Variants in TMEM260 observed in about 807,000 individuals in gnomAD.
The protein encoded by TMEM260 is transmembrane protein 260, also known as protein O-mannosyl-transferase TMEM260.
TMEM260 carries 82 observed loss-of-function variants against 88.9 expected under a neutral mutation model. The ratio of observed to expected loss-of-function variants is 0.92; its 90% CI spans 0.77 to 1.11. TMEM260 has a LOEUF of 1.11. Ranked by LOEUF, TMEM260 falls within the 50% of genes least tolerant of loss-of-function variation. The probability of loss-of-function intolerance (pLI) is 0.00; values close to 1 mark genes in which losing one functional copy is unlikely to be tolerated. For synonymous variants in TMEM260, 314 were observed against 309.3 expected (o/e 1.02, Z -0.16); for missense variants, 902 against 853.4 (o/e 1.06, Z -0.71).
At chr14:56,645,829 A>G (rs1889930182) in intron 15 of TMEM260, among the ~76,000 whole-genome samples, 1 of 152,202 alleles carries the variant, frequency 6.6e-6, no homozygotes, top group Non-Finnish European at 1.5e-5. Flanking sequence ...ACCACTGGAG[A>G]AAAAAGGATG....
chr14:56,611,623 A>G (rs1366951577), intron 6 of TMEM260, among the ~76,000 whole-genome samples: 1 of 152,232 alleles, frequency 6.6e-6, no homozygotes, highest in Non-Finnish European at 1.5e-5. Flanking sequence ...TGTGGAAAGC[A>G]ATGTGGCGAT....
chr14:56,661,876 T>C, the TMEM260 span, among the ~76,000 whole-genome samples: 1 of 152,208 alleles, frequency 6.6e-6, no homozygotes, highest in Non-Finnish European at 1.5e-5. Flanking sequence ...TGGGAGTCCT[T>C]ACTCCTGTGA....
chr14:56,580,147 C>T (rs979296936), intron 1 of TMEM260, 73 bp downstream of exon 1: 10 of 1,207,146 alleles, frequency 8.3e-6, no homozygotes, highest in Admixed American at 4.2e-5. Context: ...TGCGTCTGGC[C>T]CCTGCTCTTG....
intron 15 of TMEM260, chr14:56,638,373 T>C (rs1346408423): frequency 6.6e-6 from 1 of 152,118 alleles, no homozygotes; most frequent in East Asian, 1.9e-4. Context: ...TTTCACATAA[T>C]AATCCTGTTT....
At chr14:56,639,631 G>T (rs1338956542) in intron 15 of TMEM260, among the ~76,000 whole-genome samples, 1 of 152,134 alleles carries the variant, frequency 6.6e-6, no homozygotes, top group African/African-American at 2.4e-5. Context: ...ATCTCACTGG[G>T]GAGTGCCGGA....
chr14:56,660,662 C>T, the TMEM260 span, among the ~76,000 whole-genome samples: 2 of 152,164 alleles, frequency 1.3e-5, no homozygotes, highest in Non-Finnish European at 2.9e-5. Flanking sequence ...GATGCTAATT[C>T]TCATAGCAAA....
intron 15 of TMEM260, among the ~76,000 whole-genome samples, chr14:56,637,943 A>C (rs965282615): frequency 1.3e-5 from 2 of 152,136 alleles, no homozygotes; most frequent in Non-Finnish European, 2.9e-5. Context: ...TGTGAGAGGC[A>C]CACAAGGGTG....
chr14:56,611,966 C>T (rs1887306706), intron 6 of TMEM260, among the ~76,000 whole-genome samples: 2 of 151,960 alleles, frequency 1.3e-5, no homozygotes, highest in Non-Finnish European at 2.9e-5. Context: ...TACACATGGA[C>T]ACATATGTAC....
rs1886991239 is a variant in TMEM260 at position 56,607,606 on chromosome 14, GTGTT to G, written c.637-1492_637-1489del. On this transcript the variant is annotated intron_variant, in intron 5 of 15. Coordinates refer to ENST00000261556, the MANE Select transcript of TMEM260 (RefSeq NM_017799.4). The stretch of plus-strand genomic sequence containing the variant: ...TATCTGAGAAGCTTTTAAAAAGTCC[GTGTT>G]TGTTTGTGTGTATATATACACAGAT... 3.3e-5 allele frequency among the ~76,000 whole-genome samples: 5 copies of G among 151,994 alleles called. No homozygotes were observed. The South Asian group carries it at 1.0e-3, about 32-fold the overall frequency.
In TMEM260 at chr14:56,612,262, A is replaced by T; in HGVS notation, c.834A>T (p.Gly278=). 5 of 1,613,730 alleles carry T rather than the reference A, an allele frequency of 3.1e-6. No individual in the cohort carries two copies. Among genetic ancestry groups the T allele is most frequent in the Non-Finnish European group, 4.2e-6 (5 of 1,179,706 alleles). Residue 278 remains glycine, a synonymous_variant, in exon 7 of 16, where the codon GGA becomes GGT. Coordinates refer to ENST00000261556, the MANE Select transcript of TMEM260 (RefSeq NM_017799.4). ...GTGTTTAGGCCAAATCTGAAATAGG[A>T]TCCAGTATGTCTGAAATACTGCTGT... The part of the protein sequence containing the change: ...GTFSLAKSEI[G]SSMSEILLSQ...
chr14:56,618,565 G>C, intron 9 of TMEM260, 29 bp from the exon 10 acceptor site: 1 of 1,610,140 alleles, frequency 6.2e-7, no homozygotes. Context: ...TAGTCAACTG[G>C]ACCCACTGGT....
rs144043049 is a variant in TMEM260 at position 56,636,552 on chromosome 14, A to C, written c.1823A>C (p.His608Pro). 15 of 1,613,952 alleles carry C rather than the reference A, an allele frequency of 9.3e-6. No homozygotes were observed. In the African/African-American group the frequency reaches 1.7e-4, roughly 19 times the overall value. Residue 608 changes from histidine to proline, a missense_variant, in exon 15 of 16, where the codon CAC becomes CCC. Coordinates refer to ENST00000261556, the MANE Select transcript of TMEM260 (RefSeq NM_017799.4). Reference protein sequence around the residue: ...FFIFNLAETAHMPSKVKAQLY... With the variant: ...FFIFNLAETAPMPSKVKAQLY... The stretch of plus-strand genomic sequence containing the variant: ...ATCTTTAACCTGGCAGAAACTGCTC[A>C]CATGCCTTCAAAAGTGAAAGCTCAA...
chr14:56,611,833 T>A (rs558066745), intron 6 of TMEM260, among the ~76,000 whole-genome samples: 1 of 152,230 alleles, frequency 6.6e-6, no homozygotes, highest in East Asian at 1.9e-4. Context: ...ATGTGATACA[T>A]ATACACCATG....
intron 15 of TMEM260, among the ~76,000 whole-genome samples, chr14:56,640,919 A>G (rs1230129943): frequency 6.6e-6 from 1 of 152,158 alleles, no homozygotes; most frequent in Non-Finnish European, 1.5e-5. Flanking sequence ...GAAATGAATG[A>G]AATGCAGCGA....
At chr14:56,662,134 G>C in the TMEM260 span, among the ~76,000 whole-genome samples, 6 of 152,308 alleles carry the variant, frequency 3.9e-5, no homozygotes, top group African/African-American at 1.2e-4. Context: ...CATAGCTGCA[G>C]CTATCAAGAG....
intron 3 of TMEM260, among the ~76,000 whole-genome samples, chr14:56,601,204 T>C (rs1237760280): frequency 6.6e-6 from 1 of 152,212 alleles, no homozygotes; most frequent in African/African-American, 2.4e-5. Flanking sequence ...ATAATTCTAA[T>C]ATTTAATGTC....
downstream of TMEM260, among the ~76,000 whole-genome samples, chr14:56,652,821 T>G (rs1395444988): frequency 6.6e-6 from 1 of 152,236 alleles, no homozygotes; most frequent in East Asian, 1.9e-4. Context: ...TCTACACAGT[T>G]AAGTTTCTCT....
In TMEM260 at chr14:56,647,536, C is replaced by T. The variant is rs1566584458; in HGVS notation, c.*39C>T. 14 of 1,543,846 alleles carry T rather than the reference C, an allele frequency of 9.1e-6. 1 individual carries two copies. In the South Asian group the frequency reaches 1.7e-4, roughly 19 times the overall value. On this transcript the variant is annotated 3_prime_UTR_variant, in exon 16 of 16. Transcript: ENST00000261556. ...GAAAAACCTGCTCATCGTTCAGCTT[C>T]CAAAATTCTGAAGTCTGGAAGTTTT...
chr14:56,648,347 T>G lies in TMEM260; in HGVS notation c.*850T>G, dbSNP rs1227341818. On this transcript the variant is annotated 3_prime_UTR_variant, in exon 16 of 16. Coordinates refer to ENST00000261556, the MANE Select transcript of TMEM260 (RefSeq NM_017799.4). ...ATACATATTACTAAAGAGAACATAG[T>G]AAGAAATGCAAATAATAGTTCTTTA... 1 of 152,536 alleles carries G rather than the reference T, an allele frequency of 6.6e-6. No homozygotes were observed. The allele number at this position is 152,536 out of a possible 1,614,324, so 9.4% of individuals were successfully genotyped here.
Sources: allele counts gnomAD v4.1 joint callset (sites outside exome capture counted in the v4.1 genomes callset), GRCh38; gene constraint gnomAD v4.1.1; transcripts MANE v1.5; gene names NCBI Gene and HGNC (gene_info 2026-07-23, HGNC 2026-07-21).